Variants in ACSM3 observed in about 807,000 individuals in gnomAD.
ACSM3 encodes acyl-CoA synthetase medium chain family member 3.
ACSM3 carries 61 observed loss-of-function variants against 74.1 expected under a neutral mutation model. The ratio of observed to expected loss-of-function variants is 0.82; its 90% CI spans 0.67 to 1.02. ACSM3 has a LOEUF of 1.02. Ranked by LOEUF, ACSM3 falls within the 50% of genes least tolerant of loss-of-function variation. The pLI, the probability that ACSM3 is intolerant of heterozygous loss-of-function variation, is 0.00. For missense variants in ACSM3, 660 were observed against 697.0 expected, an observed-to-expected ratio of 0.95 and a Z score of 0.60; for synonymous variants, 213 against 241.5, an observed-to-expected ratio of 0.88 and a Z score of 1.09.
chr16:20,783,068 C>G (rs1567355902), intron 7 of ACSM3, among the ~76,000 whole-genome samples: 1 of 152,160 alleles, frequency 6.6e-6, no homozygotes. Context: ...GGAGGTGAGG[C>G]TGAAAGTGCC....
intron 1 of ACSM3, among the ~76,000 whole-genome samples, chr16:20,743,454 T>C (rs1167090867): frequency 6.6e-6 from 1 of 152,220 alleles, no homozygotes; most frequent in Non-Finnish European, 1.5e-5. Flanking sequence ...TTAAAAATCA[T>C]TGAAGATGCC....
intron 1 of ACSM3, chr16:20,736,419 A>G (rs1176506731): frequency 6.5e-6 from 1 of 153,598 alleles, no homozygotes; most frequent in Non-Finnish European, 1.4e-5. Context: ...AGAAAATCAC[A>G]AAAGTACAAA....
chr16:20,738,162 T>C (rs2079886848), intron 1 of ACSM3: 1 of 633,242 alleles, frequency 1.6e-6, no homozygotes, highest in African/African-American at 1.8e-5. Flanking sequence ...TTTTAACTTT[T>C]CATCATTATT....
At chr16:20,725,783 C>G (rs895558442) in intron 1 of ACSM3, among the ~76,000 whole-genome samples, 32 of 152,124 alleles carry the variant, frequency 2.1e-4, no homozygotes, top group Non-Finnish European at 2.9e-5. Flanking sequence ...ACCAGCCTGG[C>G]CAACATGGCA....
At chr16:20,765,709 C>T (rs12232379) in intron 1 of ACSM3, among the ~76,000 whole-genome samples, 20,013 of 152,156 alleles carry the variant, frequency 0.13, 1,383 homozygotes, top group East Asian at 0.21. Flanking sequence ...TCAATAAATA[C>T]ACGGGTAATG....
rs528831972 is a variant in ACSM3 at position 20,789,611 on chromosome 16, G to T, written c.1225-976G>T. The T allele has an allele frequency of 2.5e-6, 3 of 1,222,360 alleles. No individual in the cohort carries two copies. In the East Asian group the frequency reaches 7.3e-5, roughly 30 times the overall value. The allele number at this position is 1,222,360 out of a possible 1,614,324, so 75.7% of individuals were successfully genotyped here. On this transcript the variant is annotated intron_variant, in intron 9 of 13. Transcript: ENST00000289416. ...AGATATTTATTTATCAAGAGGAAAA[G>T]ATAATCAAGACCTATTGCTAAATGA... is the stretch of plus-strand genomic sequence containing the variant.
At chr16:20,768,498 C>T (rs777432162) in intron 1 of ACSM3, among the ~76,000 whole-genome samples, 3 of 152,160 alleles carry the variant, frequency 2.0e-5, no homozygotes, top group Non-Finnish European at 4.4e-5. Context: ...TGGTGGTTCA[C>T]AAATCACAGC....
At chr16:20,793,678 C>G (rs905777225) in intron 12 of ACSM3, among the ~76,000 whole-genome samples, 9 of 152,290 alleles carry the variant, frequency 5.9e-5, no homozygotes, top group African/African-American at 2.2e-4. Flanking sequence ...GCTAGGATGA[C>G]AATCGCTATT....
chr16:20,688,385 A>G (rs2079592165), intron 1 of ACSM3, among the ~76,000 whole-genome samples: 1 of 152,136 alleles, frequency 6.6e-6, no homozygotes, highest in East Asian at 1.9e-4. Flanking sequence ...CATAGAGGTT[A>G]TTGGAAGAAA....
rs530606347 is a variant in ACSM3 at position 20,705,908 on chromosome 16, G to A, written c.-190+31086G>A. 6.8e-4 allele frequency among the ~76,000 whole-genome samples: 103 copies of A among 152,250 alleles called. 1 individual carries two copies. The highest frequency in any genetic ancestry group is 2.3e-3 in the African/African-American group (97 of 41,568). On this transcript the variant is annotated intron_variant, in intron 1 of 3. Transcript: ENST00000561584. ...GAAAAATAGAAATGATTTTAAAATT[G>A]AGACTATTTAAGAATGTATTACTCT...
chr16:20,746,685 A>G (rs2079959304), intron 1 of ACSM3, among the ~76,000 whole-genome samples: 1 of 152,180 alleles, frequency 6.6e-6, no homozygotes, highest in Admixed American at 6.5e-5. Context: ...CTGATCACCC[A>G]GGCTGGAACC....
intron 1 of ACSM3, chr16:20,739,192 T>C: frequency 1.1e-6 from 1 of 937,966 alleles, no homozygotes; most frequent in Non-Finnish European, 1.5e-6. Flanking sequence ...TTTTTTTTTC[T>C]AAAGATGGAG....
chr16:20,754,270 T>C (rs1379242989), intron 2 of ACSM3, among the ~76,000 whole-genome samples: 1 of 151,856 alleles, frequency 6.6e-6, no homozygotes, highest in East Asian at 1.9e-4. Context: ...TGTAGTGGGG[T>C]TGTCAGAGAG....
At chr16:20,750,605 C>T (rs2079982039) in intron 2 of ACSM3, among the ~76,000 whole-genome samples, 1 of 152,122 alleles carries the variant, frequency 6.6e-6, no homozygotes, top group Non-Finnish European at 1.5e-5. Context: ...TAGGAAAATC[C>T]ATTAAGCAAA....
chr16:20,720,222 T>C (rs1309194594), intron 1 of ACSM3, among the ~76,000 whole-genome samples: 1 of 152,190 alleles, frequency 6.6e-6, no homozygotes, highest in Non-Finnish European at 1.5e-5. Flanking sequence ...TACTATTAAA[T>C]TGTAATGTAT....
rs575895859 is a variant in ACSM3 at position 20,756,278 on chromosome 16, C to T, written c.-52+662C>T. ...GTGTAAAAGTGTTCCTATTTCTCCA[C>T]ATCCTCTCCAGCACCTGTTATTTCC... is the stretch of plus-strand genomic sequence containing the variant. On this transcript the variant is annotated intron_variant, in intron 3 of 3. Coordinates refer to the ACSM3 transcript ENST00000561584. Among the ~76,000 whole-genome samples, 4 of 152,172 alleles carry T rather than the reference C, an allele frequency of 2.6e-5. No individual in the cohort carries two copies. The East Asian group carries it at 5.8e-4, about 22-fold the overall frequency.
At chr16:20,777,330 A>G (rs754860763) in intron 3 of ACSM3, 43 bp from the exon 4 acceptor site, 1 of 1,548,106 alleles carries the variant, frequency 6.5e-7, no homozygotes, top group South Asian at 1.2e-5. Context: ...CATAATGAAG[A>G]ATAACATTTC....
intron 9 of ACSM3, among the ~76,000 whole-genome samples, chr16:20,788,524 G>A (rs189502716): frequency 1.3e-3 from 203 of 152,284 alleles, no homozygotes; most frequent in Non-Finnish European, 5.4e-4. Context: ...TCCACGGGCC[G>A]TTATTATGGG....
At chr16:20,695,229 T>C (rs2079683028) in intron 1 of ACSM3, among the ~76,000 whole-genome samples, 1 of 152,196 alleles carries the variant, frequency 6.6e-6, no homozygotes, top group African/African-American at 2.4e-5. Flanking sequence ...ATTCCAGCAC[T>C]TTCATTTCCC....
Sources: allele counts gnomAD v4.1 joint callset (sites outside exome capture counted in the v4.1 genomes callset), GRCh38; gene constraint gnomAD v4.1.1; transcripts MANE v1.5; gene names NCBI Gene and HGNC (gene_info 2026-07-23, HGNC 2026-07-21).